KCNK10: variants seen among roughly 807,000 people sequenced by gnomAD.
The protein encoded by KCNK10 is potassium channel subfamily K member 10.
Under a neutral mutation model 47.7 loss-of-function variants are expected in KCNK10, and 25 were observed. That is an observed-to-expected ratio of 0.52 (90% confidence interval 0.38 to 0.73). KCNK10 has a LOEUF of 0.73. Ranked by LOEUF, KCNK10 falls within the 30% of genes least tolerant of loss-of-function variation. The pLI is 0.00. For missense variants in KCNK10, 563 were observed against 714.5 expected, an observed-to-expected ratio of 0.79 and a Z score of 2.42; for synonymous variants, 303 against 285.6, an observed-to-expected ratio of 1.06 and a Z score of -0.61.
At chr14:88,254,163 C>T (rs1886880468) in intron 2 of KCNK10, among the ~76,000 whole-genome samples, 1 of 152,050 alleles carries the variant, frequency 6.6e-6, no homozygotes, top group Admixed American at 6.6e-5. Context: ...TTGGAGAGAC[C>T]CCTCTTGCTG....
rs142121569 is a variant in KCNK10, at chr14:88,292,602, C to T, written c.53-29051G>A. The stretch of plus-strand genomic sequence containing the variant: ...CCGACCTGAGGTGATGTACCCACCT[C>T]GGCCTCCCAGAGTGCTGGGATTACA... On this transcript the variant is annotated intron_variant, in intron 1 of 6. Transcript: ENST00000319231. 1.1e-3 allele frequency among the ~76,000 whole-genome samples: 170 copies of T among 152,120 alleles called. 1 individual carries two copies. The highest frequency in any genetic ancestry group is 3.6e-3 in the African/African-American group (149 of 41,508).
chr14:88,294,247 A>G (rs1038210362), intron 1 of KCNK10, among the ~76,000 whole-genome samples: 12 of 152,240 alleles, frequency 7.9e-5, no homozygotes, highest in Non-Finnish European at 1.0e-4. Flanking sequence ...ATCAGGACCA[A>G]AAAGATGCCA....
At chr14:88,197,859 G>GGAGAGAGAGAGAGAGAGAGAGAGA (rs71126969) in intron 4 of KCNK10, among the ~76,000 whole-genome samples, 1 of 125,352 alleles carries the variant, frequency 8.0e-6, no homozygotes, top group African/African-American at 3.3e-5. Context: ...AGGAGGGAAG[G>GGAGAGAGAGAGAGAGAGAGAGAGA]GAGAGAGAGA....
intron 1 of KCNK10, among the ~76,000 whole-genome samples, chr14:88,297,641 T>C (rs1048042987): frequency 6.6e-6 from 1 of 152,194 alleles, no homozygotes; most frequent in African/African-American, 2.4e-5. Flanking sequence ...CCAGTGATGA[T>C]GGGGATGAAG....
intron 2 of KCNK10, among the ~76,000 whole-genome samples, chr14:88,243,310 A>G (rs1886533794): frequency 6.6e-6 from 1 of 152,236 alleles, no homozygotes; most frequent in Non-Finnish European, 1.5e-5. Flanking sequence ...GCAAGAAAGT[A>G]GTATTATCCC....
chr14:88,323,336 G>C, upstream of KCNK10: 1 of 973,016 alleles, frequency 1.0e-6, no homozygotes, highest in Non-Finnish European at 1.2e-6. Context: ...GCGGCTCCTC[G>C]CCCCCGGCGA....
chr14:88,263,509 G>A lies in KCNK10; in HGVS notation c.95C>T (p.Ala32Val). 2 of 1,613,196 alleles carry A rather than the reference G, an allele frequency of 1.2e-6. No homozygotes were observed. The highest frequency in any genetic ancestry group is 8.5e-7 in the Non-Finnish European group (1 of 1,180,008). ...CGGAGCCGGGGGTTGCCCGTTAGTG[G>A]CGCTCTTGGGCTGGCACACCGGTGC... ...AAAPVCQPKS[A>V]TNGQPPAPAP... The change falls in exon 2 of 7, where the codon GCC becomes GTC. Residue 32 changes from alanine to valine, a missense_variant. Coordinates refer to ENST00000319231, the MANE Select transcript of KCNK10 (RefSeq NM_138317.3).
chr14:88,223,203 G>C (rs558687592), intron 4 of KCNK10, among the ~76,000 whole-genome samples: 3 of 152,088 alleles, frequency 2.0e-5, no homozygotes, highest in East Asian at 3.9e-4. Flanking sequence ...CCCAGCAACT[G>C]ACTGTCCAAC....
chr14:88,286,954 T>C (rs780940779), intron 1 of KCNK10, among the ~76,000 whole-genome samples: 10 of 152,150 alleles, frequency 6.6e-5, no homozygotes, highest in Non-Finnish European at 1.3e-4. Context: ...GAAAATAAAA[T>C]AGTAACATTA....
intron 4 of KCNK10, among the ~76,000 whole-genome samples, chr14:88,209,140 T>C (rs1885375778): frequency 1.3e-5 from 2 of 152,152 alleles, no homozygotes; most frequent in African/African-American, 4.8e-5. Flanking sequence ...CGAGGATCCC[T>C]TGTTGGTATT....
chr14:88,180,743 G>C lies in KCNK10; in HGVS notation c.*4792C>G. 2.5e-6 allele frequency: 1 copy of C among 398,722 alleles called. No homozygotes were observed. The highest frequency in any genetic ancestry group is 4.4e-6 in the Non-Finnish European group (1 of 226,038). The allele number at this position is 398,722 out of a possible 1,614,324, so 24.7% of individuals were successfully genotyped here. On this transcript the variant is annotated 3_prime_UTR_variant, in exon 7 of 7. Transcript: ENST00000319231. ...GTCAACTGACTTAGGGCAGGCATGA[G>C]AGAACTGAGGTTTACATGGAGTATG...
intron 3 of KCNK10, among the ~76,000 whole-genome samples, chr14:88,237,515 T>C (rs1244214949): frequency 6.6e-6 from 1 of 152,240 alleles, no homozygotes; most frequent in African/African-American, 2.4e-5. Flanking sequence ...GTATGGCAGC[T>C]ACAGCCTTAT....
At chr14:88,211,968 A>G (rs1885472701) in intron 4 of KCNK10, among the ~76,000 whole-genome samples, 1 of 151,948 alleles carries the variant, frequency 6.6e-6, no homozygotes, top group Non-Finnish European at 1.5e-5. Context: ...AGAAAAAAGA[A>G]AGCCCAGAAT....
At chr14:88,267,076 G>A (rs1215070355) in intron 1 of KCNK10, among the ~76,000 whole-genome samples, 4 of 152,184 alleles carry the variant, frequency 2.6e-5, no homozygotes, top group Non-Finnish European at 1.5e-5. Flanking sequence ...GCATGACCTC[G>A]AAACTGTCAC....
upstream of KCNK10, chr14:88,326,558 T>C: frequency 2.4e-6 from 2 of 844,056 alleles, no homozygotes; most frequent in Non-Finnish European, 3.9e-6. Flanking sequence ...AGAGACTGCC[T>C]AGCGTTCCTG....
intron 2 of KCNK10, among the ~76,000 whole-genome samples, chr14:88,242,949 A>C (rs1377037308): frequency 6.6e-6 from 1 of 152,192 alleles, no homozygotes; most frequent in East Asian, 1.9e-4. Flanking sequence ...CTGTGAAGAG[A>C]GGTTAGGCTC....
chr14:88,292,838 G>C (rs1376342497), intron 1 of KCNK10, among the ~76,000 whole-genome samples: 2 of 152,106 alleles, frequency 1.3e-5, no homozygotes, highest in Non-Finnish European at 2.9e-5. Flanking sequence ...TCACCAGGCT[G>C]GTCTCAAGCT....
At chr14:88,251,427 A>C (rs924248688) in intron 2 of KCNK10, among the ~76,000 whole-genome samples, 3 of 152,050 alleles carry the variant, frequency 2.0e-5, no homozygotes, top group African/African-American at 7.2e-5. Flanking sequence ...AAGAGAGTCT[A>C]GCAAATGGGG....
chr14:88,296,772 G>A (rs1887993459), intron 1 of KCNK10, among the ~76,000 whole-genome samples: 1 of 152,158 alleles, frequency 6.6e-6, no homozygotes, highest in Admixed American at 6.5e-5. Context: ...TAGTGTCCCT[G>A]GACCAACATC....
Sources: allele counts gnomAD v4.1 joint callset (sites outside exome capture counted in the v4.1 genomes callset), GRCh38; gene constraint gnomAD v4.1.1; transcripts MANE v1.5; gene names NCBI Gene and HGNC (gene_info 2026-07-23, HGNC 2026-07-21).